The following C2CD3 variants were observed in gnomAD, a reference collection of about 807,000 sequenced individuals.
C2CD3 encodes the protein C2 domain containing 3 centriole elongation regulator.
Under a neutral mutation model 234.0 loss-of-function variants are expected in C2CD3, and 148 were observed. The observed-to-expected ratio is 0.63, with a 90% CI of 0.55 to 0.72. The LOEUF is 0.72. Among genes scored for constraint, C2CD3 ranks in the 30% least tolerant of loss-of-function variants. The pLI, the probability that C2CD3 is intolerant of heterozygous loss-of-function variation, is 0.00. For synonymous variants in C2CD3, 1,000 were observed against 1,035.4 expected (o/e 0.97, Z 0.66); for missense variants, 2,577 against 2,811.5 (o/e 0.92, Z 1.89).
chr11:74,083,287 T>C (rs1292206216), intron 22 of C2CD3, among the ~76,000 whole-genome samples: 1 of 152,136 alleles, frequency 6.6e-6, no homozygotes, highest in Non-Finnish European at 1.5e-5. Flanking sequence ...ATACAAAAAT[T>C]AATTCAAGAT....
At chr11:74,151,470 G>A (rs1180537993) in intron 3 of C2CD3, among the ~76,000 whole-genome samples, 3 of 151,992 alleles carry the variant, frequency 2.0e-5, no homozygotes, top group African/African-American at 7.3e-5. Flanking sequence ...GGGATTACAG[G>A]CACATGCCAC....
intron 5 of C2CD3, among the ~76,000 whole-genome samples, chr11:74,136,148 T>G (rs568746487): frequency 6.6e-6 from 1 of 152,134 alleles, no homozygotes; most frequent in African/African-American, 2.4e-5. Flanking sequence ...TTTATCCAGC[T>G]ATGTACTTGA....
chr11:74,112,610 A>T (rs1423752245), intron 11 of C2CD3, among the ~76,000 whole-genome samples: 1 of 152,218 alleles, frequency 6.6e-6, no homozygotes, highest in Non-Finnish European at 1.5e-5. Context: ...ACTCAATAAC[A>T]AAAAGCCTGA....
intron 31 of C2CD3, 143 bp from the exon 32 acceptor site, chr11:74,028,541 G>C (rs548092767): frequency 6.7e-5 from 42 of 624,348 alleles, no homozygotes; most frequent in Non-Finnish European, 1.1e-4. Context: ...TGCTCAGCTG[G>C]CTCCCTCTGA....
At chr11:74,015,493 T>C (rs1254670506) in intron 32 of C2CD3, among the ~76,000 whole-genome samples, 1 of 152,216 alleles carries the variant, frequency 6.6e-6, no homozygotes, top group Non-Finnish European at 1.5e-5. Context: ...GTCCCATTCC[T>C]GACCCCCAGC....
rs755669837 is a variant in C2CD3 at position 74,114,478 on chromosome 11, C to T, written c.1636G>A (p.Glu546Lys). ...CTATCTGGAGGAACTCCCATGGTTT[C>T]GATGATGATTCTGACTGAATGTGTT... ...GRTHSVRIII[E>K]TMGVPPDSPQ... The change falls in exon 10 of 33, where the codon GAA becomes AAA. Residue 546 changes from glutamate (E) to lysine (K), a missense_variant. Coordinates refer to ENST00000334126, the MANE Select transcript of C2CD3 (RefSeq NM_001286577.2). The T allele has an allele frequency of 5.0e-6, 8 of 1,613,884 alleles. No individual in the cohort carries two copies. The highest frequency in any genetic ancestry group is 6.8e-6 in the Non-Finnish European group (8 of 1,179,866).
intron 31 of C2CD3, among the ~76,000 whole-genome samples, chr11:74,030,402 G>C (rs549517513): frequency 6.6e-6 from 1 of 152,200 alleles, no homozygotes; most frequent in African/African-American, 2.4e-5. Flanking sequence ...ATGAAGTCTG[G>C]CTTCCATTCC....
At chr11:74,110,581 G>A (rs1414590285) in intron 11 of C2CD3, 2 of 152,198 alleles carry the variant, frequency 1.3e-5, no homozygotes, top group Non-Finnish European at 2.9e-5. Context: ...AGGATGAACT[G>A]AGGTAATAAA....
intron 6 of C2CD3, among the ~76,000 whole-genome samples, 200 bp downstream of exon 6, chr11:74,133,225 C>G (rs1957739651): frequency 6.6e-6 from 1 of 152,160 alleles, no homozygotes; most frequent in East Asian, 1.9e-4. Flanking sequence ...AAAGAATTTA[C>G]CCATTTACAC....
chr11:74,170,593 C>T, intron 1 of C2CD3, 145 bp downstream of exon 1: 2 of 902,438 alleles, frequency 2.2e-6, no homozygotes, highest in East Asian at 2.5e-5. Context: ...GGCCAATTGC[C>T]CTTCCTTTTA....
At chr11:74,082,407 G>A (rs1955422877) in intron 22 of C2CD3, among the ~76,000 whole-genome samples, 1 of 152,138 alleles carries the variant, frequency 6.6e-6, no homozygotes, top group Non-Finnish European at 1.5e-5. Flanking sequence ...GAGCCACTGT[G>A]CCCGGCTGAC....
chr11:74,079,408 G>A (rs1046729057), intron 22 of C2CD3, among the ~76,000 whole-genome samples: 2 of 151,256 alleles, frequency 1.3e-5, no homozygotes, highest in African/African-American at 4.9e-5. Context: ...GTTTTTTTTT[G>A]TAGAGATAGG....
intron 30 of C2CD3, chr11:74,034,646 C>G (rs751447940): frequency 6.6e-7 from 1 of 1,519,102 alleles, no homozygotes. Flanking sequence ...ACTTATTTAC[C>G]TATTTGATGA....
At chr11:74,102,368 G>A (rs571035507) in intron 14 of C2CD3, among the ~76,000 whole-genome samples, 1 of 152,330 alleles carries the variant, frequency 6.6e-6, no homozygotes, top group East Asian at 1.9e-4. Flanking sequence ...CTGCTTCTGA[G>A]ATATCCAGGT....
Position 74,114,539 on chromosome 11 carries a change from C to T in C2CD3, c.1575G>A (p.Met525Ile). 1 of 1,613,970 alleles carries T rather than the reference C, an allele frequency of 6.2e-7. No homozygotes were observed. Among genetic ancestry groups the T allele is most frequent in the Middle Eastern group, 1.6e-4 (1 of 6,062 alleles). ...GGGCCAGTCTATCCACACTTAGTGT[C>T]ATCGTTTGGGCATCTTCTGGAGTTT... ...LSETPEDAQT[M>I]TLSVDRLALL... Residue 525 changes from methionine to isoleucine, a missense_variant, in exon 10 of 33, where the codon ATG (methionine) becomes ATA (isoleucine). Transcript: ENST00000334126.
At position 74,114,553 on chromosome 11, in the gene C2CD3, C is replaced by T; in HGVS notation, c.1561G>A (p.Asp521Asn). 6.2e-7 allele frequency: 1 copy of T among 1,614,014 alleles called. No individual in the cohort carries two copies. The highest frequency in any genetic ancestry group is 8.5e-7 in the Non-Finnish European group (1 of 1,179,962). Residue 521 changes from aspartate (D) to asparagine (N), a missense_variant, in exon 10 of 33, where the codon GAT becomes AAT. Transcript: ENST00000334126. Reference sequence around the variant, plus strand: ...ACACTTAGTGTCATCGTTTGGGCATCTTCTGGAGTTTCTGAGAGCATCTGT... The same window carrying T: ...ACACTTAGTGTCATCGTTTGGGCATTTTCTGGAGTTTCTGAGAGCATCTGT... ...EQQMLSETPE[D>N]AQTMTLSVDR...
At chr11:74,060,677 C>T (rs1215035806) in intron 24 of C2CD3, among the ~76,000 whole-genome samples, 1 of 152,198 alleles carries the variant, frequency 6.6e-6, no homozygotes, top group Non-Finnish European at 1.5e-5. Flanking sequence ...GAAACCAGAG[C>T]AGAAAAGCTG....
chr11:74,053,789 A>T (rs1095428), intron 26 of C2CD3, among the ~76,000 whole-genome samples: 7,006 of 152,294 alleles, frequency 0.046, 470 homozygotes, highest in African/African-American at 0.15. Flanking sequence ...CTAAGCAGGT[A>T]GTCAAAATTA....
At chr11:74,146,393 T>C (rs186772098) in intron 3 of C2CD3, among the ~76,000 whole-genome samples, 154 of 152,298 alleles carry the variant, frequency 1.0e-3, no homozygotes, top group African/African-American at 3.6e-3. Flanking sequence ...TTGTAGTTGA[T>C]GAGAACACAG....
Sources: gnomAD v4.1 joint callset for allele counts (sites outside exome capture counted in the v4.1 genomes callset) on GRCh38, gnomAD v4.1.1 for gene constraint, MANE v1.5 for transcripts, NCBI Gene and HGNC (gene_info 2026-07-23, HGNC 2026-07-21) for gene names.